Variants in PDE4D observed in about 807,000 individuals in gnomAD.
PDE4D encodes the protein phosphodiesterase 4D.
In PDE4D, 24 loss-of-function variants were observed where a neutral mutation model predicts 87.4. The observed-to-expected ratio is 0.27, with a 90% CI of 0.20 to 0.39. PDE4D has a LOEUF of 0.39. Among genes scored for constraint, PDE4D ranks in the 10% least tolerant of loss-of-function variants. The probability of loss-of-function intolerance (pLI) is 1.00; values close to 1 mark genes in which losing one functional copy is unlikely to be tolerated. For missense variants in PDE4D, 714 were observed against 1,041.0 expected (o/e 0.69, Z 4.32); for synonymous variants, 384 against 383.2 (o/e 1.00, Z -0.02).
chr5:59,667,298 GTTGCA>G (rs899823287), intron 1 of PDE4D, among the ~76,000 whole-genome samples: 1 of 151,972 alleles, frequency 6.6e-6, no homozygotes. Context: ...GCTGTGTTGC[GTTGCA>G]TTGCATTGCA....
intron 1 of PDE4D, chr5:59,314,197 T>C (rs1237646532): frequency 6.6e-6 from 1 of 152,100 alleles, no homozygotes; most frequent in African/African-American, 2.4e-5. Flanking sequence ...TAAACTGCCC[T>C]GTGAGGGAAG....
intron 5 of PDE4D, chr5:59,179,809 G>T (rs944745104): frequency 1.7e-5 from 5 of 290,200 alleles, no homozygotes; most frequent in Non-Finnish European, 3.3e-5. Flanking sequence ...GAAAACATAG[G>T]TTTTCTTTTC....
chr5:59,075,549 A>G (rs879801155), intron 5 of PDE4D, among the ~76,000 whole-genome samples: 10 of 152,154 alleles, frequency 6.6e-5, no homozygotes, highest in Non-Finnish European at 1.5e-4. Flanking sequence ...TTATCCAAAA[A>G]ATAGGTATTT....
chr5:59,668,833 G>GAAGAAGAA (rs1561441084), intron 1 of PDE4D, among the ~76,000 whole-genome samples: 1 of 54,066 alleles, frequency 1.8e-5, no homozygotes, highest in African/African-American at 7.8e-5. Flanking sequence ...AAGAAGAAGA[G>GAAGAAGAA]GAAGAGGAAG....
At chr5:59,639,614 C>T (rs1251930592) in intron 1 of PDE4D, among the ~76,000 whole-genome samples, 4 of 152,062 alleles carry the variant, frequency 2.6e-5, no homozygotes, top group African/African-American at 9.7e-5. Flanking sequence ...CTGGGGAGTA[C>T]ATAATGAATT....
intron 1 of PDE4D, among the ~76,000 whole-genome samples, chr5:59,830,736 A>G (rs973213713): frequency 5.9e-5 from 9 of 152,112 alleles, no homozygotes; most frequent in Non-Finnish European, 1.3e-4. Context: ...TCAAAAAGGT[A>G]AAGTGCACAT....
intron 1 of PDE4D, among the ~76,000 whole-genome samples, chr5:59,347,889 AG>A (rs1242888939): frequency 1.3e-5 from 2 of 152,188 alleles, no homozygotes; most frequent in African/African-American, 4.8e-5. Context: ...ATGTACTCAC[AG>A]ATGTATGGAA....
At chr5:59,578,800 C>T (rs369692050) in intron 1 of PDE4D, among the ~76,000 whole-genome samples, 2 of 152,070 alleles carry the variant, frequency 1.3e-5, no homozygotes, top group East Asian at 3.9e-4. Context: ...CCTCCTTTTC[C>T]TCCCCCTATC....
rs960479356 is a variant in PDE4D at position 59,710,021 on chromosome 5, G to A, written c.455+183147C>T. ...CTTTGGGGATTATTAGGGAAAGAGA[G>A]GACATGCTTTCTTTCCTTGAGAGAT... On this transcript the variant is annotated intron_variant, in intron 1 of 14. Coordinates refer to ENST00000340635, the MANE Select transcript of PDE4D (RefSeq NM_001104631.2). Among the ~76,000 whole-genome samples, 4 of 152,134 alleles carry A rather than the reference G, an allele frequency of 2.6e-5. No individual in the cohort carries two copies. In the East Asian group the frequency reaches 5.8e-4, roughly 22 times the overall value.
intron 1 of PDE4D, among the ~76,000 whole-genome samples, chr5:59,635,432 C>CA (rs957962570): frequency 2.6e-5 from 4 of 151,972 alleles, no homozygotes; most frequent in African/African-American, 9.7e-5. Flanking sequence ...AGAGACACAA[C>CA]AAAAAAAGAA....
intron 1 of PDE4D, among the ~76,000 whole-genome samples, chr5:60,341,196 G>C (rs1583470571): frequency 6.6e-6 from 1 of 151,928 alleles, no homozygotes; most frequent in East Asian, 1.9e-4. Flanking sequence ...CAAAACTCTA[G>C]AGCCACAGAG....
intron 1 of PDE4D, among the ~76,000 whole-genome samples, chr5:59,343,498 C>G (rs1378095866): frequency 3.9e-5 from 6 of 152,112 alleles, no homozygotes; most frequent in Non-Finnish European, 7.4e-5. Flanking sequence ...AGCTGACCAA[C>G]CCCTGGTTAA....
chr5:59,126,592 A>C (rs1186895453), intron 5 of PDE4D, among the ~76,000 whole-genome samples: 3 of 152,228 alleles, frequency 2.0e-5, no homozygotes, highest in African/African-American at 7.2e-5. Context: ...TACTGTGCAT[A>C]TCTCTCGAGG....
chr5:59,368,495 A>G (rs547320491), intron 1 of PDE4D, among the ~76,000 whole-genome samples: 4 of 152,346 alleles, frequency 2.6e-5, no homozygotes, highest in South Asian at 4.1e-4. Context: ...TTTGAGTAAT[A>G]TAAGAATTAG....
intron 6 of PDE4D, among the ~76,000 whole-genome samples, chr5:59,013,470 C>T (rs10057278): frequency 0.2 from 31,048 of 151,852 alleles, 3,635 homozygotes; most frequent in East Asian, 0.54. Flanking sequence ...AAAGGGGATA[C>T]CACCACCAAT....
At chr5:59,600,131 G>A (rs1373645231) in intron 1 of PDE4D, among the ~76,000 whole-genome samples, 5 of 152,120 alleles carry the variant, frequency 3.3e-5, no homozygotes, top group Non-Finnish European at 7.4e-5. Flanking sequence ...TCTTGCTCTT[G>A]GAGCCAAACT....
In PDE4D at chr5:60,250,201, T is replaced by C. The variant is rs896117084; in HGVS notation, c.-89-64514A>G. Among the ~76,000 whole-genome samples the C allele has an allele frequency of 2.6e-5, 4 of 152,004 alleles. No homozygotes were observed. In the East Asian group the frequency reaches 7.8e-4, roughly 29 times the overall value. On this transcript the variant is annotated intron_variant, in intron 1 of 16. Transcript: ENST00000502484. ...TCACTTATAAGTTATTACTCATTTT[T>C]CCTAATACTGTGCAGATAATATAAC... is the stretch of plus-strand genomic sequence containing the variant.
At chr5:59,372,072 C>T (rs1784020818) in intron 1 of PDE4D, among the ~76,000 whole-genome samples, 1 of 152,162 alleles carries the variant, frequency 6.6e-6, no homozygotes, top group Admixed American at 6.5e-5. Flanking sequence ...TTATGCTTTC[C>T]CTCATGTAAT....
intron 1 of PDE4D, chr5:59,768,468 T>C (rs775007346): frequency 1.9e-6 from 3 of 1,598,390 alleles, no homozygotes; most frequent in Admixed American, 3.3e-5. Context: ...GATTATCCAC[T>C]TCAGGTACTG....
Sources: allele counts gnomAD v4.1 joint callset (sites outside exome capture counted in the v4.1 genomes callset), GRCh38; gene constraint gnomAD v4.1.1; transcripts MANE v1.5; gene names NCBI Gene and HGNC (gene_info 2026-07-23, HGNC 2026-07-21).